MYO1D: variants seen among roughly 807,000 people sequenced by gnomAD.
MYO1D encodes myosin ID.
MYO1D carries 83 observed loss-of-function variants against 122.0 expected under a neutral mutation model. The observed-to-expected ratio is 0.68, with a 90% CI of 0.57 to 0.82. The LOEUF (loss-of-function observed/expected upper bound fraction) is 0.82. Among genes scored for constraint, MYO1D ranks in the 40% least tolerant of loss-of-function variants. The pLI, the probability that MYO1D is intolerant of heterozygous loss-of-function variation, is 0.00. For missense variants in MYO1D, 1,157 were observed against 1,269.5 expected (o/e 0.91, Z 1.35); for synonymous variants, 464 against 446.9 (o/e 1.04, Z -0.48).
intron 21 of MYO1D, among the ~76,000 whole-genome samples, chr17:32,548,553 A>G (rs1310623225): frequency 6.6e-6 from 1 of 152,162 alleles, no homozygotes; most frequent in East Asian, 1.9e-4. Context: ...CTCCTCAAGA[A>G]GACCTCAGCA....
At chr17:32,650,627 T>C (rs1032248131) in intron 19 of MYO1D, among the ~76,000 whole-genome samples, 2 of 152,186 alleles carry the variant, frequency 1.3e-5, no homozygotes, top group African/African-American at 4.8e-5. Context: ...TTTTTATTGC[T>C]ATATCTTCAA....
intron 21 of MYO1D, among the ~76,000 whole-genome samples, chr17:32,567,339 T>C (rs2087183403): frequency 6.6e-6 from 1 of 152,214 alleles, no homozygotes; most frequent in Non-Finnish European, 1.5e-5. Flanking sequence ...ACAGAACCTA[T>C]TCTGTAATAA....
chr17:32,698,332 TC>T (rs1427532964), intron 16 of MYO1D, among the ~76,000 whole-genome samples: 1 of 123,682 alleles, frequency 8.1e-6, no homozygotes, highest in Non-Finnish European at 1.7e-5. Flanking sequence ...CTTCCTTCTT[TC>T]CTTCCTTCCT....
chr17:32,845,346 T>C (rs1330976513), intron 1 of MYO1D, among the ~76,000 whole-genome samples: 2 of 152,126 alleles, frequency 1.3e-5, no homozygotes, highest in Non-Finnish European at 2.9e-5. Flanking sequence ...GAATCAGCAG[T>C]AGAACAGGAG....
intron 21 of MYO1D, chr17:32,509,884 G>A (rs187163177): frequency 2.6e-5 from 4 of 152,302 alleles, no homozygotes; most frequent in East Asian, 3.9e-4. Context: ...AAATATATGG[G>A]CCTGGAGCTC....
At chr17:32,830,028 G>C (rs1053944736) in intron 1 of MYO1D, among the ~76,000 whole-genome samples, 1 of 152,178 alleles carries the variant, frequency 6.6e-6, no homozygotes, top group Non-Finnish European at 1.5e-5. Flanking sequence ...AAAGGCATGA[G>C]ACAGTCTTCT....
At chr17:32,638,227 A>G (rs2088133594) in intron 20 of MYO1D, among the ~76,000 whole-genome samples, 1 of 152,256 alleles carries the variant, frequency 6.6e-6, no homozygotes, top group South Asian at 2.1e-4. Flanking sequence ...ACGGAATTAG[A>G]AAACTGTATG....
intron 20 of MYO1D, chr17:32,632,586 T>TATATACAC (rs1480751438): frequency 1.3e-4 from 13 of 96,570 alleles, no homozygotes; most frequent in African/African-American, 2.6e-4. Flanking sequence ...TATATATATA[T>TATATACAC]ACACACACAC....
chr17:32,511,455 G>A (rs1444903698), intron 21 of MYO1D, among the ~76,000 whole-genome samples: 1 of 151,974 alleles, frequency 6.6e-6, no homozygotes, highest in Non-Finnish European at 1.5e-5. Flanking sequence ...GCCCAGGCTG[G>A]TTTGGCCTCC....
At chr17:32,708,532 T>C (rs926863414) in intron 16 of MYO1D, among the ~76,000 whole-genome samples, 3 of 152,200 alleles carry the variant, frequency 2.0e-5, no homozygotes, top group Non-Finnish European at 4.4e-5. Context: ...AACTTCCCAT[T>C]AAATTTCTAT....
At chr17:32,647,904 T>G (rs1010804978) in intron 19 of MYO1D, among the ~76,000 whole-genome samples, 1 of 152,056 alleles carries the variant, frequency 6.6e-6, no homozygotes, top group Non-Finnish European at 1.5e-5. Flanking sequence ...TGCTCTCTAT[T>G]TTGTTAAAAA....
chr17:32,570,418 G>T (rs1037405220), intron 21 of MYO1D, among the ~76,000 whole-genome samples: 2 of 151,890 alleles, frequency 1.3e-5, no homozygotes, highest in Admixed American at 6.6e-5. Flanking sequence ...AGGCTGGAGT[G>T]CAGTGGCATG....
At chr17:32,519,912 ACCAGGGCGATGTCTTAG>A (rs1222942163) in intron 21 of MYO1D, among the ~76,000 whole-genome samples, 1 of 147,860 alleles carries the variant, frequency 6.8e-6, no homozygotes, top group Non-Finnish European at 1.5e-5. Flanking sequence ...AAAAAAAAAA[ACCAGGGCGATGTCTTAG>A]CCAGAAATAG....
In MYO1D at chr17:32,747,271, A is replaced by G. The variant is rs185596382; in HGVS notation, c.1538+1665T>C. 3.2e-4 allele frequency among the ~76,000 whole-genome samples: 48 copies of G among 152,332 alleles called. 1 individual carries two copies. Among genetic ancestry groups the G allele is most frequent in the Middle Eastern group, 6.8e-3 (2 of 294 alleles). Reference sequence around the variant, plus strand: ...TTTTTTTGTTTAATCTCTTCCTGCAATGGATTACATGTAAAGAATTCCTAA... The same window carrying G: ...TTTTTTTGTTTAATCTCTTCCTGCAGTGGATTACATGTAAAGAATTCCTAA... On this transcript the variant is annotated intron_variant, in intron 12 of 21. Transcript: ENST00000318217.
chr17:32,775,730 A>G, intron 4 of MYO1D, 134 bp downstream of exon 4: 1 of 811,088 alleles, frequency 1.2e-6, no homozygotes, highest in Non-Finnish European at 1.8e-6. Flanking sequence ...AGAATACCTT[A>G]TCATAAAAAG....
intron 21 of MYO1D, among the ~76,000 whole-genome samples, chr17:32,508,085 C>T (rs1233235526): frequency 6.6e-6 from 1 of 151,754 alleles, no homozygotes; most frequent in Non-Finnish European, 1.5e-5. Context: ...TTAGTACAGA[C>T]GGGGTGTCAT....
intron 20 of MYO1D, among the ~76,000 whole-genome samples, chr17:32,618,316 A>G (rs2087803847): frequency 6.6e-6 from 1 of 152,220 alleles, no homozygotes; most frequent in African/African-American, 2.4e-5. Flanking sequence ...AGTTTATATC[A>G]TTGATTGACA....
At chr17:32,577,741 T>C (rs2087291929) in intron 21 of MYO1D, among the ~76,000 whole-genome samples, 1 of 152,008 alleles carries the variant, frequency 6.6e-6, no homozygotes, top group African/African-American at 2.4e-5. Context: ...ATATTTCTTT[T>C]TTTTTTTTTT....
intron 21 of MYO1D, among the ~76,000 whole-genome samples, chr17:32,573,681 G>A (rs1382413589): frequency 2.0e-5 from 3 of 151,936 alleles, no homozygotes; most frequent in Non-Finnish European, 2.9e-5. Context: ...CACCACTTTC[G>A]GCTAATTTAT....
Sources: allele counts gnomAD v4.1 joint callset (sites outside exome capture counted in the v4.1 genomes callset), GRCh38; gene constraint gnomAD v4.1.1; transcripts MANE v1.5; gene names NCBI Gene and HGNC (gene_info 2026-07-23, HGNC 2026-07-21).